The following TSHZ2 variants were observed in gnomAD, a reference collection of about 807,000 sequenced individuals.
TSHZ2 encodes the protein teashirt homolog 2.
Under a neutral mutation model 74.4 loss-of-function variants are expected in TSHZ2, and 21 were observed. The ratio of observed to expected loss-of-function variants is 0.28; its 90% CI spans 0.20 to 0.41. The LOEUF is 0.41. Among genes scored for constraint, TSHZ2 ranks in the 10% least tolerant of loss-of-function variants. TSHZ2 has a pLI of 1.00. For synonymous variants in TSHZ2, 540 were observed against 515.3 expected (o/e 1.05, Z -0.65); for missense variants, 1,244 against 1,293.5 (o/e 0.96, Z 0.59).
At position 53,342,231 on chromosome 20, in the gene TSHZ2, G is replaced by A. The variant is rs866158294; in HGVS notation, c.*8+85660G>A. On this transcript the variant is annotated intron_variant, in intron 2 of 2. Transcript: ENST00000371497. Reference sequence around the variant, plus strand: ...ATTTTCCTGCTCCAGGCTCACACTCGGAATACCACAACACATCTACTTTCC... The same window carrying A: ...ATTTTCCTGCTCCAGGCTCACACTCAGAATACCACAACACATCTACTTTCC... Among the ~76,000 whole-genome samples the A allele has an allele frequency of 3.3e-5, 5 of 150,492 alleles. No homozygotes were observed. In the East Asian group the frequency reaches 7.8e-4, roughly 23 times the overall value.
At chr20:53,446,390 C>T (rs1451665454) in intron 2 of TSHZ2, among the ~76,000 whole-genome samples, 3 of 137,822 alleles carry the variant, frequency 2.2e-5, no homozygotes, top group East Asian at 2.2e-4. Flanking sequence ...GGTGAAACCC[C>T]GTCTCTACTA....
intron 1 of TSHZ2, among the ~76,000 whole-genome samples, chr20:53,090,917 A>G (rs145931288): frequency 2.0e-4 from 30 of 152,332 alleles, no homozygotes; most frequent in Non-Finnish European, 3.7e-4. Flanking sequence ...ACGCATACAG[A>G]CTTGATACCA....
intron 2 of TSHZ2, among the ~76,000 whole-genome samples, chr20:53,425,967 A>G (rs1356643867): frequency 6.6e-6 from 1 of 152,156 alleles, no homozygotes; most frequent in Non-Finnish European, 1.5e-5. Flanking sequence ...CCACTTTTCT[A>G]TCCTTAAGAT....
intron 1 of TSHZ2, among the ~76,000 whole-genome samples, chr20:53,142,735 A>G (rs572945267): frequency 6.6e-6 from 1 of 152,244 alleles, no homozygotes; most frequent in African/African-American, 2.4e-5. Context: ...AGTGCATTCA[A>G]AAGATTAAAA....
At chr20:53,366,448 A>G (rs962262558) in intron 2 of TSHZ2, among the ~76,000 whole-genome samples, 16 of 152,232 alleles carry the variant, frequency 1.1e-4, no homozygotes, top group Admixed American at 4.6e-4. Context: ...GTGTGTGCCA[A>G]TACGCAGCTT....
At chr20:53,424,153 G>A (rs1257143929) in intron 2 of TSHZ2, among the ~76,000 whole-genome samples, 2 of 152,202 alleles carry the variant, frequency 1.3e-5, no homozygotes, top group Non-Finnish European at 2.9e-5. Flanking sequence ...TTCTGTTATG[G>A]CAGCTGTCCT....
chr20:53,459,234 G>A (rs1985248694), intron 2 of TSHZ2, among the ~76,000 whole-genome samples: 3 of 152,052 alleles, frequency 2.0e-5, no homozygotes, highest in African/African-American at 7.2e-5. Context: ...TATGAATCTG[G>A]GTGCTCCTGT....
chr20:53,393,656 A>G (rs1010331636), intron 2 of TSHZ2, among the ~76,000 whole-genome samples: 1 of 104,874 alleles, frequency 9.5e-6, no homozygotes, highest in Non-Finnish European at 2.0e-5. Flanking sequence ...GCATAGAACT[A>G]CACACGCAAA....
At chr20:53,278,994 A>T (rs1158497636) in intron 2 of TSHZ2, among the ~76,000 whole-genome samples, 1 of 152,276 alleles carries the variant, frequency 6.6e-6, no homozygotes, top group African/African-American at 2.4e-5. Flanking sequence ...TTTGTATGTT[A>T]TATGCGTTAT....
At chr20:53,239,116 G>A (rs1990008057) in intron 1 of TSHZ2, among the ~76,000 whole-genome samples, 1 of 152,152 alleles carries the variant, frequency 6.6e-6, no homozygotes, top group Non-Finnish European at 1.5e-5. Context: ...TGCATTGTAG[G>A]ATGTTTAGCA....
At chr20:53,467,539 G>A in intron 2 of TSHZ2, among the ~76,000 whole-genome samples, 1 of 152,122 alleles carries the variant, frequency 6.6e-6, no homozygotes, top group East Asian at 1.9e-4. Flanking sequence ...TGAACGCCAG[G>A]CAACATTTGT....
intron 2 of TSHZ2, among the ~76,000 whole-genome samples, chr20:53,461,043 C>A (rs1439815086): frequency 2.1e-4 from 32 of 152,176 alleles, no homozygotes; most frequent in Admixed American, 4.6e-4. Context: ...GGCAGGCAGG[C>A]CTCCTTGAGC....
chr20:53,456,417 T>C (rs1296226051), intron 2 of TSHZ2, among the ~76,000 whole-genome samples: 1 of 146,704 alleles, frequency 6.8e-6, no homozygotes, highest in Admixed American at 6.8e-5. Context: ...TGTTTTTTTC[T>C]TGTAAATTTG....
At chr20:53,390,008 A>G (rs1458123310) in intron 2 of TSHZ2, among the ~76,000 whole-genome samples, 3 of 152,252 alleles carry the variant, frequency 2.0e-5, no homozygotes, top group Non-Finnish European at 2.9e-5. Flanking sequence ...AGGATGTCTC[A>G]GGACAAATAT....
rs533564820 is a variant in TSHZ2, at chr20:53,386,996, G to T, written c.*9-100148G>T. On this transcript the variant is annotated intron_variant, in intron 2 of 2. Transcript: ENST00000371497. ...CCTCCCTCTGTGTGAATAGCCCGTGGTGTACCTTGGAATTAACCCTTTCTG... is the reference window on the plus strand; with the variant it reads ...CCTCCCTCTGTGTGAATAGCCCGTGTTGTACCTTGGAATTAACCCTTTCTG... Among the ~76,000 whole-genome samples, 4 of 152,068 alleles carry T rather than the reference G, an allele frequency of 2.6e-5. No homozygotes were observed. In the South Asian group the frequency reaches 8.3e-4, roughly 32 times the overall value.
chr20:53,053,069 C>T (rs923627988), intron 1 of TSHZ2, among the ~76,000 whole-genome samples: 10 of 152,274 alleles, frequency 6.6e-5, no homozygotes, highest in African/African-American at 1.7e-4. Flanking sequence ...AGGCAGCCTC[C>T]GGTACTGGTA....
At position 53,441,677 on chromosome 20, in the gene TSHZ2, A is replaced by G. The variant is rs147553399; in HGVS notation, c.*9-45467A>G. On this transcript the variant is annotated intron_variant, in intron 2 of 2. Coordinates refer to ENST00000371497, the MANE Select transcript of TSHZ2 (RefSeq NM_173485.6). ...AGCTCACTGCAACCCCTGCCTCCCAAGTTCAAGCAATTTTTGTGCCTCAGC... is the reference window on the plus strand; with the variant it reads ...AGCTCACTGCAACCCCTGCCTCCCAGGTTCAAGCAATTTTTGTGCCTCAGC... Among the ~76,000 whole-genome samples, 1,319 of 144,126 alleles carry G rather than the reference A, an allele frequency of 9.2e-3. 23 individuals carry two copies. Among genetic ancestry groups the G allele is most frequent in the African/African-American group, 0.034 (1,255 of 36,946 alleles). 94.6% of individuals were successfully genotyped at this position (144,126 alleles called of 152,430 possible).
chr20:53,264,435 A>G (rs546379072), intron 2 of TSHZ2, among the ~76,000 whole-genome samples: 256 of 152,300 alleles, frequency 1.7e-3, no homozygotes, highest in African/African-American at 5.7e-3. Context: ...GGAACAGACA[A>G]TGTTTCAAAG....
intron 2 of TSHZ2, among the ~76,000 whole-genome samples, chr20:53,466,604 A>G (rs1568930814): frequency 6.6e-6 from 1 of 152,248 alleles, no homozygotes; most frequent in Non-Finnish European, 1.5e-5. Flanking sequence ...ATGTGGCTCA[A>G]TAAAAATGGG....
Sources: allele counts gnomAD v4.1 joint callset (sites outside exome capture counted in the v4.1 genomes callset), GRCh38; gene constraint gnomAD v4.1.1; transcripts MANE v1.5; gene names NCBI Gene and HGNC (gene_info 2026-07-23, HGNC 2026-07-21).